Variants in NKAIN3 observed in about 807,000 individuals in gnomAD.
The protein encoded by NKAIN3 is sodium/potassium transporting ATPase interacting 3, also known as sodium/potassium-transporting ATPase subunit beta-1-interacting protein 3.
In NKAIN3, 25 loss-of-function variants were observed where a neutral mutation model predicts 30.2. The observed-to-expected ratio is 0.83, with a 90% CI of 0.60 to 1.16. The LOEUF is 1.16. Ranked by LOEUF, NKAIN3 falls within the 50% of genes most tolerant of loss-of-function variation. The pLI, the probability that NKAIN3 is intolerant of heterozygous loss-of-function variation, is 0.00. For missense variants in NKAIN3, 225 were observed against 254.1 expected, an observed-to-expected ratio of 0.89 and a Z score of 0.78; for synonymous variants, 91 against 89.6, an observed-to-expected ratio of 1.02 and a Z score of -0.09.
intron 1 of NKAIN3, among the ~76,000 whole-genome samples, chr8:62,455,246 A>G (rs555221555): frequency 2.6e-5 from 4 of 152,316 alleles, no homozygotes; most frequent in South Asian, 2.1e-4. Context: ...CTGTCAAAGT[A>G]CTATTCACAT....
intron 3 of NKAIN3, among the ~76,000 whole-genome samples, chr8:62,633,490 C>A (rs1364035874): frequency 6.6e-6 from 1 of 152,134 alleles, no homozygotes; most frequent in African/African-American, 2.4e-5. Flanking sequence ...TTCACCATGC[C>A]AGGCCCCTGC....
chr8:62,322,384 T>C (rs1286051637), intron 1 of NKAIN3, among the ~76,000 whole-genome samples: 1 of 152,138 alleles, frequency 6.6e-6, no homozygotes, highest in Non-Finnish European at 1.5e-5. Flanking sequence ...AGTACCTCAG[T>C]TGGAAATGTA....
chr8:62,532,620 T>C (rs897356849), intron 1 of NKAIN3, among the ~76,000 whole-genome samples: 3 of 152,224 alleles, frequency 2.0e-5, no homozygotes, highest in Admixed American at 1.3e-4. Flanking sequence ...TAGCAATATC[T>C]GGATGAACAC....
chr8:62,416,629 T>TC (rs1804451614), intron 1 of NKAIN3, among the ~76,000 whole-genome samples: 1 of 152,186 alleles, frequency 6.6e-6, no homozygotes, highest in African/African-American at 2.4e-5. Context: ...GAGATATCCA[T>TC]CCCCTCAAGT....
intron 1 of NKAIN3, among the ~76,000 whole-genome samples, chr8:62,321,712 G>C (rs967252757): frequency 3.3e-5 from 5 of 151,170 alleles, no homozygotes; most frequent in Non-Finnish European, 7.3e-5. Context: ...AGGAGTACCT[G>C]GCTGTGTGAG....
chr8:62,547,820 T>C (rs1252241535), intron 1 of NKAIN3, among the ~76,000 whole-genome samples: 1 of 152,206 alleles, frequency 6.6e-6, no homozygotes, highest in African/African-American at 2.4e-5. Context: ...GCTATGGAGA[T>C]GAAGGCATCC....
chr8:62,885,302 C>T (rs796139321), intron 4 of NKAIN3, among the ~76,000 whole-genome samples: 39 of 152,218 alleles, frequency 2.6e-4, no homozygotes, highest in African/African-American at 8.7e-4. Context: ...AGCTATCTTT[C>T]CATGATTTAT....
chr8:62,604,684 A>C (rs1871592), intron 3 of NKAIN3, among the ~76,000 whole-genome samples: 73,294 of 151,940 alleles, frequency 0.48, 18,895 homozygotes, highest in Non-Finnish European at 0.58. Context: ...AAAAGCATAC[A>C]TTTCTAGGAT....
chr8:62,297,873 T>C (rs1459293796), intron 1 of NKAIN3, among the ~76,000 whole-genome samples: 2 of 152,152 alleles, frequency 1.3e-5, no homozygotes, highest in African/African-American at 2.4e-5. Context: ...CACATGCACA[T>C]GTATGTTTAT....
At chr8:62,523,343 A>G (rs1808212481) in intron 1 of NKAIN3, among the ~76,000 whole-genome samples, 1 of 152,140 alleles carries the variant, frequency 6.6e-6, no homozygotes. Flanking sequence ...CTCAGAACAT[A>G]TCTCATTGTT....
intron 1 of NKAIN3, among the ~76,000 whole-genome samples, chr8:62,572,540 AG>A (rs1185341426): frequency 6.6e-6 from 1 of 152,196 alleles, no homozygotes; most frequent in Non-Finnish European, 1.5e-5. Flanking sequence ...TTACTATATT[AG>A]TCTGTTTCCA....
At chr8:62,814,208 C>T (rs761294234) in intron 4 of NKAIN3, among the ~76,000 whole-genome samples, 1 of 151,980 alleles carries the variant, frequency 6.6e-6, no homozygotes, top group East Asian at 1.9e-4. Flanking sequence ...GAGTTTTCTG[C>T]TATTATCTTG....
chr8:62,931,796 G>A (rs1190226676), intron 5 of NKAIN3, among the ~76,000 whole-genome samples: 1 of 152,152 alleles, frequency 6.6e-6, no homozygotes, highest in East Asian at 1.9e-4. Flanking sequence ...ATTTTGGTTG[G>A]TTTAATAATT....
intron 1 of NKAIN3, 51 bp downstream of exon 1, chr8:62,249,178 G>A: frequency 7.0e-7 from 1 of 1,438,602 alleles, no homozygotes; most frequent in Non-Finnish European, 9.3e-7. Context: ...CTCCAGGACC[G>A]GCCTCTGCGA....
rs139237608 is a variant in NKAIN3, at chr8:62,502,875, C to A, written c.55-76664C>A. On this transcript the variant is annotated intron_variant, in intron 1 of 6. Transcript: ENST00000623646. ...GTCTTCAGATGGACCAGGGTTAGATCTCTGGCTCTTAGTTGCTACAGGACC... is the reference window on the plus strand; with the variant it reads ...GTCTTCAGATGGACCAGGGTTAGATATCTGGCTCTTAGTTGCTACAGGACC... Among the ~76,000 whole-genome samples the A allele has an allele frequency of 1.7e-3, 266 of 152,246 alleles. 1 individual carries two copies. Among genetic ancestry groups the A allele is most frequent in the Non-Finnish European group, 2.9e-3 (197 of 68,020 alleles).
chr8:62,507,409 T>C (rs1180727605), intron 1 of NKAIN3, among the ~76,000 whole-genome samples: 1 of 152,188 alleles, frequency 6.6e-6, no homozygotes, highest in Non-Finnish European at 1.5e-5. Context: ...ATCATTTTAT[T>C]TGTCTTCCCA....
intron 3 of NKAIN3, among the ~76,000 whole-genome samples, chr8:62,699,010 T>C (rs749738299): frequency 6.6e-6 from 1 of 152,216 alleles, no homozygotes; most frequent in African/African-American, 2.4e-5. Flanking sequence ...CAATTATTTC[T>C]TTAGGTTCTT....
chr8:62,773,298 A>G (rs960646010), intron 4 of NKAIN3, among the ~76,000 whole-genome samples: 2 of 152,072 alleles, frequency 1.3e-5, no homozygotes, highest in Non-Finnish European at 2.9e-5. Context: ...TCCCAGCACC[A>G]TTTATTGAAG....
intron 1 of NKAIN3, among the ~76,000 whole-genome samples, chr8:62,459,158 C>A (rs1375459458): frequency 1.3e-5 from 2 of 151,798 alleles, no homozygotes; most frequent in Non-Finnish European, 2.9e-5. Flanking sequence ...TTGATCTGAT[C>A]TAGGCCAGAC....
Sources: allele counts gnomAD v4.1 joint callset (sites outside exome capture counted in the v4.1 genomes callset), GRCh38; gene constraint gnomAD v4.1.1; transcripts MANE v1.5; gene names NCBI Gene and HGNC (gene_info 2026-07-23, HGNC 2026-07-21).